Variants in SH2D4A observed in about 807,000 individuals in gnomAD.
SH2D4A encodes the protein SH2 domain-containing protein 4A.
Under a neutral mutation model 64.7 loss-of-function variants are expected in SH2D4A, and 70 were observed. The observed-to-expected ratio is 1.08, with a 90% CI of 0.89 to 1.32. The LOEUF (loss-of-function observed/expected upper bound fraction) is 1.32. Among genes scored for constraint, SH2D4A ranks in the 40% most tolerant of loss-of-function variants. SH2D4A has a pLI of 0.00. For missense variants in SH2D4A, 706 were observed against 540.1 expected (o/e 1.31, Z -3.04); for synonymous variants, 268 against 200.7 (o/e 1.34, Z -2.83).
At chr8:19,372,407 G>A (rs2053117756) in intron 7 of SH2D4A, among the ~76,000 whole-genome samples, 1 of 152,176 alleles carries the variant, frequency 6.6e-6, no homozygotes, top group African/African-American at 2.4e-5. Context: ...ACAGAAGACT[G>A]TTTTAATGAC....
intron 1 of SH2D4A, among the ~76,000 whole-genome samples, chr8:19,317,253 A>G (rs891920895): frequency 5.3e-5 from 8 of 151,570 alleles, no homozygotes; most frequent in East Asian, 1.9e-4. Flanking sequence ...CCCTTTGAGA[A>G]GCTGCTAGAA....
chr8:19,328,345 G>A (rs13264045), intron 2 of SH2D4A, among the ~76,000 whole-genome samples: 27,115 of 151,798 alleles, frequency 0.18, 2,634 homozygotes, highest in Middle Eastern at 0.28. Flanking sequence ...CGTAGTCTAC[G>A]CTTCCAAAAC....
intron 8 of SH2D4A, among the ~76,000 whole-genome samples, chr8:19,391,472 T>G (rs2053491767): frequency 6.6e-6 from 1 of 152,056 alleles, no homozygotes; most frequent in South Asian, 2.1e-4. Context: ...CTGCTGGGAA[T>G]GAGTGTAATA....
chr8:19,379,768 G>T (rs977675040), intron 8 of SH2D4A, among the ~76,000 whole-genome samples: 2 of 152,080 alleles, frequency 1.3e-5, no homozygotes, highest in East Asian at 3.9e-4. Context: ...ACAGGGTCTT[G>T]CTCTGTTGCC....
intron 6 of SH2D4A, among the ~76,000 whole-genome samples, chr8:19,362,338 A>G (rs1278938176): frequency 6.6e-6 from 1 of 152,264 alleles, no homozygotes; most frequent in African/African-American, 2.4e-5. Context: ...AATATAGTCA[A>G]TAAAAATCAT....
Position 19,319,465 on chromosome 8 carries a change from A to T in SH2D4A, c.-83A>T. 26 of 1,363,810 alleles carry T rather than the reference A, an allele frequency of 1.9e-5. No individual in the cohort carries two copies. Among genetic ancestry groups the T allele is most frequent in the Non-Finnish European group, 2.5e-5 (26 of 1,052,836 alleles). The allele number at this position is 1,363,810 out of a possible 1,614,324, so 84.5% of individuals were successfully genotyped here. ...TTGGGAAGTTTCGTGGAAACGCCCA[A>T]GTGCCAGCACAGGTGGAGGGACACC... On this transcript the variant is annotated 5_prime_UTR_variant, in exon 2 of 10. It adds an upstream start codon to the 5' untranslated region. Coordinates refer to ENST00000265807, the MANE Select transcript of SH2D4A (RefSeq NM_022071.4).
chr8:19,359,580 C>A (rs1388900192), intron 5 of SH2D4A, among the ~76,000 whole-genome samples: 1 of 152,186 alleles, frequency 6.6e-6, no homozygotes, highest in East Asian at 1.9e-4. Context: ...TGGCAAACAG[C>A]TTCAATCAAA....
chr8:19,324,654 C>G (rs1359315950), intron 2 of SH2D4A, among the ~76,000 whole-genome samples: 1 of 152,154 alleles, frequency 6.6e-6, no homozygotes, highest in Non-Finnish European at 1.5e-5. Flanking sequence ...TCTTCTCTGC[C>G]TTCATCTTGA....
chr8:19,360,339 G>C (rs946769372), intron 5 of SH2D4A, among the ~76,000 whole-genome samples: 1 of 151,246 alleles, frequency 6.6e-6, no homozygotes, highest in African/African-American at 2.4e-5. Flanking sequence ...TTCTGGCAGG[G>C]TGTGGTGGCT....
At chr8:19,344,288 C>G (rs140163492) in intron 4 of SH2D4A, among the ~76,000 whole-genome samples, 1 of 152,046 alleles carries the variant, frequency 6.6e-6, no homozygotes, top group African/African-American at 2.4e-5. Context: ...GAGAAGAATC[C>G]GCTTACAGGT....
At chr8:19,335,708 G>A (rs1031151628) in intron 4 of SH2D4A, among the ~76,000 whole-genome samples, 1 of 152,202 alleles carries the variant, frequency 6.6e-6, no homozygotes, top group Admixed American at 6.5e-5. Flanking sequence ...ATCAGTGCCT[G>A]TTGGGCTTCA....
intron 4 of SH2D4A, among the ~76,000 whole-genome samples, chr8:19,342,019 G>A (rs1025037429): frequency 2.6e-5 from 4 of 152,148 alleles, no homozygotes; most frequent in Non-Finnish European, 5.9e-5. Flanking sequence ...CAGCATTGTG[G>A]AATCTCTTGT....
At chr8:19,337,932 G>A (rs1388108617) in intron 4 of SH2D4A, among the ~76,000 whole-genome samples, 4 of 152,152 alleles carry the variant, frequency 2.6e-5, no homozygotes, top group Non-Finnish European at 4.4e-5. Context: ...GAAGAAGGCC[G>A]AGTGAAGAAA....
chr8:19,344,096 GGAA>G (rs2052572883), intron 4 of SH2D4A, among the ~76,000 whole-genome samples: 1 of 152,178 alleles, frequency 6.6e-6, no homozygotes, highest in South Asian at 2.1e-4. Context: ...GTCACCTTAT[GGAA>G]GAAGAGTCAG....
chr8:19,344,891 T>C (rs1382568611), intron 4 of SH2D4A, among the ~76,000 whole-genome samples: 2 of 152,204 alleles, frequency 1.3e-5, no homozygotes, highest in Non-Finnish European at 2.9e-5. Flanking sequence ...TTACTGTAAA[T>C]AGCCTCGTTA....
intron 8 of SH2D4A, among the ~76,000 whole-genome samples, chr8:19,382,222 A>G (rs1426006111): frequency 6.6e-6 from 1 of 152,154 alleles, no homozygotes; most frequent in African/African-American, 2.4e-5. Flanking sequence ...TTACCCAGAA[A>G]TGTCTTAATT....
At chr8:19,354,016 C>G (rs1414192991) in intron 4 of SH2D4A, among the ~76,000 whole-genome samples, 1 of 140,670 alleles carries the variant, frequency 7.1e-6, no homozygotes, top group East Asian at 2.1e-4. Context: ...TTTTTTGACA[C>G]GGAGTCTCAC....
At chr8:19,316,081 T>C (rs1472902590) in intron 1 of SH2D4A, among the ~76,000 whole-genome samples, 1 of 152,006 alleles carries the variant, frequency 6.6e-6, no homozygotes, top group Non-Finnish European at 1.5e-5. Flanking sequence ...TGAGAAAGCC[T>C]TGGAGCGGGG....
chr8:19,366,560 G>T (rs1181425224), intron 7 of SH2D4A, among the ~76,000 whole-genome samples: 1 of 152,128 alleles, frequency 6.6e-6, no homozygotes, highest in African/African-American at 2.4e-5. Flanking sequence ...ACTTTGAGAG[G>T]CCGAGGTGGG....
Sources: gnomAD v4.1 joint callset for allele counts (sites outside exome capture counted in the v4.1 genomes callset) on GRCh38, gnomAD v4.1.1 for gene constraint, MANE v1.5 for transcripts, NCBI Gene and HGNC (gene_info 2026-07-23, HGNC 2026-07-21) for gene names.